EEPD1: variants seen among roughly 807,000 people sequenced by gnomAD.
EEPD1 encodes endonuclease/exonuclease/phosphatase family domain-containing protein 1.
EEPD1 carries 17 observed loss-of-function variants against 46.3 expected under a neutral mutation model. The observed-to-expected ratio is 0.37, with a 90% confidence interval of 0.25 to 0.55. EEPD1 has a LOEUF of 0.55. Among genes scored for constraint, EEPD1 ranks in the 20% least tolerant of loss-of-function variants. The probability of loss-of-function intolerance (pLI) is 0.83; values close to 1 mark genes in which losing one functional copy is unlikely to be tolerated. For missense variants in EEPD1, 673 were observed against 745.6 expected, an observed-to-expected ratio of 0.90 and a Z score of 1.13; for synonymous variants, 313 against 315.6, an observed-to-expected ratio of 0.99 and a Z score of 0.09.
chr7:36,257,450 C>T (rs1013727121), intron 3 of EEPD1, among the ~76,000 whole-genome samples: 1 of 152,160 alleles, frequency 6.6e-6, no homozygotes, highest in Non-Finnish European at 1.5e-5. Flanking sequence ...CCGTTACTTT[C>T]AGGTACACCA....
intron 2 of EEPD1, among the ~76,000 whole-genome samples, chr7:36,215,016 C>A (rs1387381860): frequency 6.6e-6 from 1 of 152,114 alleles, no homozygotes; most frequent in African/African-American, 2.4e-5. Context: ...AGCTCCTGGG[C>A]CCCCCTGAAT....
chr7:36,299,022 T>A lies in EEPD1; in HGVS notation c.1526T>A (p.Val509Glu). 1 of 1,613,958 alleles carries A rather than the reference T, an allele frequency of 6.2e-7. No individual in the cohort carries two copies. The highest frequency in any genetic ancestry group is 8.5e-7 in the Non-Finnish European group (1 of 1,179,962). ...KKVFTGHWAVVREGLTNPWIP... is the reference protein window; with the variant it reads ...KKVFTGHWAVEREGLTNPWIP... ...CTCCCTTCAGGTCACTGGGCTGTGG[T>A]GAGAGAAGGCCTCACGAACCCTTGG... Residue 509 changes from valine (V) to glutamate (E), a missense_variant, in exon 8 of 8, where the codon GTG becomes GAG. Physicochemically the swap from Val to Glu is moderately radical, Grantham distance 121 (BLOSUM62 -2). Coordinates refer to ENST00000242108, the MANE Select transcript of EEPD1 (RefSeq NM_030636.3).
intron 6 of EEPD1, among the ~76,000 whole-genome samples, chr7:36,290,130 T>A (rs191502475): frequency 6.6e-6 from 1 of 152,316 alleles, no homozygotes; most frequent in Non-Finnish European, 1.5e-5. Flanking sequence ...TGGACATTAC[T>A]ATTGTTCTTG....
intron 2 of EEPD1, among the ~76,000 whole-genome samples, chr7:36,192,511 C>CT (rs201980486): frequency 9.0e-3 from 125 of 13,928 alleles, no homozygotes; most frequent in Middle Eastern, 0.071. Flanking sequence ...CTTTCTCTTT[C>CT]TTTAAAAAAA....
At chr7:36,258,959 C>T (rs1293673934) in intron 3 of EEPD1, among the ~76,000 whole-genome samples, 3 of 151,884 alleles carry the variant, frequency 2.0e-5, no homozygotes, top group Non-Finnish European at 4.4e-5. Flanking sequence ...GCTTGAAACC[C>T]AGGGCCCGGT....
chr7:36,278,883 G>A (rs1373556973), intron 3 of EEPD1, among the ~76,000 whole-genome samples: 5 of 151,964 alleles, frequency 3.3e-5, no homozygotes, highest in Admixed American at 6.6e-5. Flanking sequence ...CCACTCCCTC[G>A]CCCCTGTCAG....
At chr7:36,284,545 T>A (rs1787311556) in intron 4 of EEPD1, 141 bp from the exon 5 acceptor site, 7 of 1,044,278 alleles carry the variant, frequency 6.7e-6, no homozygotes, top group Non-Finnish European at 9.4e-6. Context: ...GGCTGTGGCT[T>A]TCGTGGTGTG....
In EEPD1 at chr7:36,173,441, G is replaced by A. The variant is rs534267911; in HGVS notation, c.878+18239G>A. On this transcript the variant is annotated intron_variant, in intron 2 of 7. Transcript: ENST00000242108. ...TTGAACCCAGGAGGTGGAGGTTGCAGTGAGCTGAGATTGCACCACTGTACT... is the reference window on the plus strand; with the variant it reads ...TTGAACCCAGGAGGTGGAGGTTGCAATGAGCTGAGATTGCACCACTGTACT... Among the ~76,000 whole-genome samples the A allele has an allele frequency of 1.5e-4, 23 of 151,336 alleles. No individual in the cohort carries two copies. In the East Asian group the frequency reaches 2.1e-3, roughly 14 times the overall value.
intron 2 of EEPD1, among the ~76,000 whole-genome samples, chr7:36,170,128 G>T (rs182176474): frequency 6.6e-6 from 1 of 152,302 alleles, no homozygotes; most frequent in Admixed American, 6.5e-5. Context: ...ATTTTGGCCG[G>T]GTGCGGTGGC....
chr7:36,165,823 A>G (rs1328747996), intron 2 of EEPD1, among the ~76,000 whole-genome samples: 1 of 151,996 alleles, frequency 6.6e-6, no homozygotes, highest in Non-Finnish European at 1.5e-5. Context: ...TCATAAATTG[A>G]TAGTTTGACT....
rs552431218 is a variant in EEPD1 at position 36,197,643 on chromosome 7, C to A, written c.879-41342C>A. On this transcript the variant is annotated intron_variant, in intron 2 of 7. Transcript: ENST00000242108. ...AACCCTGTGCTCTCTGAAACATGTG[C>A]TGTGTCCACTCAGGGTTAAATGGAT... Among the ~76,000 whole-genome samples the A allele has an allele frequency of 7.9e-5, 12 of 152,286 alleles. No individual in the cohort carries two copies. In the South Asian group the frequency reaches 1.7e-3, roughly 21 times the overall value.
intron 5 of EEPD1, 182 bp from the exon 6 acceptor site, chr7:36,287,457 C>T (rs1014758929): frequency 1.9e-5 from 16 of 844,734 alleles, no homozygotes; most frequent in Admixed American, 6.2e-5. Flanking sequence ...CTTGTTCCTG[C>T]AGGTGCCTTG....
In EEPD1 at chr7:36,267,325, C is replaced by T. The variant is rs73690345; in HGVS notation, c.931-13790C>T. 6.7e-3 allele frequency among the ~76,000 whole-genome samples: 1,014 copies of T among 152,262 alleles called. 16 individuals are homozygous for T. The highest frequency in any genetic ancestry group is 0.023 in the African/African-American group (965 of 41,546). On this transcript the variant is annotated intron_variant, in intron 3 of 7. Transcript: ENST00000242108. ...ACATTTCTTTCAGGGTATGGGGGCC[C>T]CTGCATGGCCAGGCCTCTGCAAGAT...
At chr7:36,222,132 T>C (rs912099163) in intron 2 of EEPD1, among the ~76,000 whole-genome samples, 2 of 152,082 alleles carry the variant, frequency 1.3e-5, no homozygotes, top group Admixed American at 6.5e-5. Flanking sequence ...AACTTTTGAC[T>C]CCCCCAAAAC....
Position 36,155,091 on chromosome 7 carries a change from ATGGGAGGCCTG to A in EEPD1, c.770_780del (p.Gly257AlafsTer44). ...GTGGAGGCCTTTGGAGGCACAAGGG[ATGGGAGGCCTG>A]TGCTGAGGCTGGCCACCTGGAACTT... is the stretch of plus-strand genomic sequence containing the variant. On this transcript the variant is annotated frameshift_variant, in exon 2 of 8. Transcript: ENST00000242108. LOFTEE classifies it high-confidence loss of function. 6.3e-7 allele frequency: 1 copy of A among 1,584,028 alleles called. No homozygotes were observed.
chr7:36,159,376 T>A (rs1784870026), intron 2 of EEPD1, among the ~76,000 whole-genome samples: 1 of 152,034 alleles, frequency 6.6e-6, no homozygotes. Context: ...GGTTGAAGGG[T>A]GGGTGGATGC....
At chr7:36,247,139 A>AT (rs1187425808) in intron 3 of EEPD1, among the ~76,000 whole-genome samples, 166 of 144,234 alleles carry the variant, frequency 1.2e-3, no homozygotes, top group African/African-American at 4.2e-3. Flanking sequence ...AAAAAAAAAA[A>AT]GAAAAGAAAA....
At chr7:36,202,910 C>G (rs1301841362) in intron 2 of EEPD1, among the ~76,000 whole-genome samples, 12 of 152,194 alleles carry the variant, frequency 7.9e-5, no homozygotes, top group Admixed American at 6.5e-5. Flanking sequence ...CAGCTCCTGC[C>G]TGGCATCTGA....
chr7:36,232,329 C>G (rs180788266), intron 2 of EEPD1, among the ~76,000 whole-genome samples: 1 of 151,994 alleles, frequency 6.6e-6, no homozygotes, highest in Admixed American at 6.6e-5. Flanking sequence ...CTCAGCCTCC[C>G]GAGTAGCTGG....
Sources: allele counts gnomAD v4.1 joint callset (sites outside exome capture counted in the v4.1 genomes callset), GRCh38; gene constraint gnomAD v4.1.1; transcripts MANE v1.5; gene names NCBI Gene and HGNC (gene_info 2026-07-23, HGNC 2026-07-21).